CYFIP2: variants seen among roughly 807,000 people sequenced by gnomAD.
CYFIP2 encodes the protein cytoplasmic FMR1-interacting protein 2.
CYFIP2 carries 29 observed loss-of-function variants against 158.7 expected under a neutral mutation model. The ratio of observed to expected loss-of-function variants is 0.18; its 90% confidence interval spans 0.14 to 0.25. The LOEUF is 0.25. CYFIP2 is among the 10% of genes least tolerant of loss of function. CYFIP2 has a pLI of 1.00. For missense variants in CYFIP2, 852 were observed against 1,639.5 expected (o/e 0.52, Z 8.29); for synonymous variants, 585 against 617.6 (o/e 0.95, Z 0.78).
chr5:157,269,344 A>T (rs1280619657), intron 1 of CYFIP2: 1 of 152,084 alleles, frequency 6.6e-6, no homozygotes, highest in Non-Finnish European at 1.5e-5. Flanking sequence ...TTCAACACGT[A>T]GAGTTAAGGA....
At chr5:157,314,282 T>G (rs1759962467) in intron 11 of CYFIP2, 62 bp from the exon 12 acceptor site, 3,628 of 1,549,624 alleles carry the variant, frequency 2.3e-3, no homozygotes, top group Non-Finnish European at 2.9e-3. Flanking sequence ...GGGGAATCAA[T>G]GAGATAACAT....
At chr5:157,386,655 C>T (rs1381999169) in intron 28 of CYFIP2, among the ~76,000 whole-genome samples, 1 of 152,156 alleles carries the variant, frequency 6.6e-6, no homozygotes, top group Non-Finnish European at 1.5e-5. Context: ...CATGGTGGCT[C>T]ACACCTGGAA....
intron 13 of CYFIP2, among the ~76,000 whole-genome samples, chr5:157,315,473 C>T (rs1022286206): frequency 2.0e-5 from 3 of 152,204 alleles, no homozygotes; most frequent in Non-Finnish European, 4.4e-5. Context: ...AGAGATTTGA[C>T]AGCTGGATGA....
rs1256043687 is a variant in CYFIP2, at chr5:157,333,207, C to G, written c.2266-120C>G. 7 of 1,329,546 alleles carry G rather than the reference C, an allele frequency of 5.3e-6. No individual in the cohort carries two copies. In the African/African-American group the frequency reaches 1.0e-4, roughly 19 times the overall value. 82.4% of individuals were successfully genotyped at this position (1,329,546 alleles called of 1,614,324 possible). On this transcript the variant is annotated intron_variant, in intron 20 of 30. Coordinates refer to ENST00000620254, the MANE Select transcript of CYFIP2 (RefSeq NM_001037333.3). ...TGGTTGGAGTTTCTCCAGGAAACCC[C>G]TCCCACCTGGCAGTCTCACTCCCAC...
intron 8 of CYFIP2, among the ~76,000 whole-genome samples, 164 bp from the exon 9 acceptor site, chr5:157,307,597 G>T (rs1331859747): frequency 1.3e-5 from 2 of 150,352 alleles, no homozygotes; most frequent in Non-Finnish European, 2.9e-5. Flanking sequence ...TTTATTTGAA[G>T]ATGCATAGAT....
intron 11 of CYFIP2, among the ~76,000 whole-genome samples, chr5:157,313,576 C>G (rs1480727237): frequency 6.6e-6 from 1 of 152,176 alleles, no homozygotes; most frequent in Non-Finnish European, 1.5e-5. Flanking sequence ...CCGACTTCAG[C>G]TGGGAGTGGG....
chr5:157,268,289 A>C (rs1755783371), intron 1 of CYFIP2, among the ~76,000 whole-genome samples: 1 of 152,140 alleles, frequency 6.6e-6, no homozygotes, highest in Admixed American at 6.5e-5. Flanking sequence ...AAAAGGAAAA[A>C]CTTGCTTTAG....
At chr5:157,367,173 G>GC (rs1396809248) in intron 26 of CYFIP2, among the ~76,000 whole-genome samples, 2 of 152,182 alleles carry the variant, frequency 1.3e-5, no homozygotes, top group East Asian at 1.9e-4. Flanking sequence ...ATCTGGAAAG[G>GC]CCCCCAGAGA....
intron 26 of CYFIP2, among the ~76,000 whole-genome samples, chr5:157,375,095 A>T (rs373658596): frequency 1.3e-5 from 2 of 152,342 alleles, no homozygotes; most frequent in African/African-American, 4.8e-5. Flanking sequence ...GGCACCCAGG[A>T]ATCCTCATGC....
chr5:157,288,888 G>A (rs981023150), intron 3 of CYFIP2, among the ~76,000 whole-genome samples: 4 of 152,202 alleles, frequency 2.6e-5, no homozygotes, highest in Non-Finnish European at 4.4e-5. Context: ...AAGGAACCTT[G>A]AGAGAGTCAG....
intron 9 of CYFIP2, 138 bp downstream of exon 9, chr5:157,308,003 G>A: frequency 1.7e-6 from 1 of 598,188 alleles, no homozygotes; most frequent in East Asian, 2.9e-5. Flanking sequence ...CCCAAGAGTA[G>A]GAAGAGGAGG....
chr5:157,276,002 C>T (rs1345222095), intron 1 of CYFIP2, among the ~76,000 whole-genome samples: 4 of 152,022 alleles, frequency 2.6e-5, no homozygotes, highest in Non-Finnish European at 4.4e-5. Context: ...GATATTGTAT[C>T]CTACAAACTT....
rs371405554 is a variant in CYFIP2, at chr5:157,343,550, C to G, written c.2673+2393C>G. 1.4e-5 allele frequency: 21 copies of G among 1,537,840 alleles called. No individual in the cohort carries two copies. The African/African-American group carries it at 2.3e-4, about 17-fold the overall frequency. On this transcript the variant is annotated intron_variant, in intron 23 of 30. Coordinates refer to ENST00000620254, the MANE Select transcript of CYFIP2 (RefSeq NM_001037333.3). ...CTCGATGTTCATCCCGATTCTGGAA[C>G]CAGAATCAAAGTGAAGAGTGACATC... is the stretch of plus-strand genomic sequence containing the variant.
At chr5:157,354,888 C>T (rs533165589) in intron 23 of CYFIP2, among the ~76,000 whole-genome samples, 7 of 152,070 alleles carry the variant, frequency 4.6e-5, no homozygotes, top group Non-Finnish European at 1.0e-4. Context: ...TTGTGCTTGC[C>T]AGGAAGTGTT....
rs780977916 is a variant in CYFIP2, at chr5:157,323,003, G to T, written c.1672-918G>T. 9 of 1,536,040 alleles carry T rather than the reference G, an allele frequency of 5.9e-6. No individual in the cohort carries two copies. The South Asian group carries it at 1.1e-4, about 18-fold the overall frequency. ...ACTGGTGGCACACAGGGCCGAAGAG[G>T]CTGCCGATCCCTGGTATCACACCGC... is the stretch of plus-strand genomic sequence containing the variant. On this transcript the variant is annotated intron_variant, in intron 15 of 30. Coordinates refer to ENST00000620254, the MANE Select transcript of CYFIP2 (RefSeq NM_001037333.3).
At chr5:157,375,972 C>A (rs1487827502) in intron 26 of CYFIP2, 1 of 152,294 alleles carries the variant, frequency 6.6e-6, no homozygotes, top group Non-Finnish European at 1.5e-5. Context: ...CTCCTGACTG[C>A]CCATAGCACT....
intron 23 of CYFIP2, among the ~76,000 whole-genome samples, chr5:157,347,973 G>T (rs529685124): frequency 6.6e-6 from 1 of 152,244 alleles, no homozygotes; most frequent in Non-Finnish European, 1.5e-5. Context: ...CAGTGCAGCC[G>T]TTTGTGAAGG....
chr5:157,388,127 C>G (rs1766881297), intron 28 of CYFIP2, among the ~76,000 whole-genome samples: 1 of 152,184 alleles, frequency 6.6e-6, no homozygotes, highest in African/African-American at 2.4e-5. Flanking sequence ...GTGTGAGAAG[C>G]CTGCCTTTTT....
intron 21 of CYFIP2, among the ~76,000 whole-genome samples, 160 bp from the exon 22 acceptor site, chr5:157,338,897 C>T (rs1762048832): frequency 6.6e-6 from 1 of 152,210 alleles, no homozygotes; most frequent in South Asian, 2.1e-4. Flanking sequence ...CAGAAGGGAA[C>T]CTTGTCACCT....
Sources: gnomAD v4.1 joint callset for allele counts (sites outside exome capture counted in the v4.1 genomes callset) on GRCh38, gnomAD v4.1.1 for gene constraint, MANE v1.5 for transcripts, NCBI Gene and HGNC (gene_info 2026-07-23, HGNC 2026-07-21) for gene names.